Variants in ZBTB16 observed in about 807,000 individuals in gnomAD.
ZBTB16 encodes the protein zinc finger and BTB domain-containing protein 16.
A neutral mutation model predicts 56.8 loss-of-function variants in ZBTB16; 8 were observed. The observed-to-expected ratio is 0.14, with a 90% CI of 0.08 to 0.25. ZBTB16 has a LOEUF of 0.25. Ranked by LOEUF, ZBTB16 falls within the 10% of genes least tolerant of loss-of-function variation. ZBTB16 has a pLI of 1.00. For missense variants in ZBTB16, 625 were observed against 903.0 expected, an observed-to-expected ratio of 0.69 and a Z score of 3.95; for synonymous variants, 363 against 368.5, an observed-to-expected ratio of 0.98 and a Z score of 0.17.
At chr11:114,128,680 G>A (rs1415313596) in intron 2 of ZBTB16, among the ~76,000 whole-genome samples, 1 of 152,134 alleles carries the variant, frequency 6.6e-6, no homozygotes, top group Non-Finnish European at 1.5e-5. Context: ...TTGTAATCTT[G>A]TAAAGTGAAG....
intron 3 of ZBTB16, among the ~76,000 whole-genome samples, chr11:114,164,023 C>T (rs868281195): frequency 5.9e-5 from 9 of 152,118 alleles, no homozygotes; most frequent in Admixed American, 2.0e-4. Flanking sequence ...TTCTGTTCAG[C>T]GCTGTATCTT....
At chr11:114,206,993 C>T (rs1301308002) in intron 4 of ZBTB16, among the ~76,000 whole-genome samples, 2 of 152,156 alleles carry the variant, frequency 1.3e-5, no homozygotes, top group Non-Finnish European at 2.9e-5. Flanking sequence ...ACATAAGACC[C>T]CAGGATGGCG....
chr11:114,101,524 A>G (rs554567020), intron 2 of ZBTB16, among the ~76,000 whole-genome samples: 1 of 152,278 alleles, frequency 6.6e-6, no homozygotes, highest in South Asian at 2.1e-4. Flanking sequence ...TGAAGAGAGG[A>G]ACATGGTGTG....
intron 4 of ZBTB16, among the ~76,000 whole-genome samples, chr11:114,214,771 T>G (rs1257411249): frequency 1.3e-5 from 2 of 152,210 alleles, no homozygotes; most frequent in African/African-American, 4.8e-5. Flanking sequence ...ATCCGGCTAA[T>G]TTTTATATTT....
chr11:114,077,886 G>A (rs1387592670), intron 2 of ZBTB16, among the ~76,000 whole-genome samples: 1 of 152,244 alleles, frequency 6.6e-6, no homozygotes, highest in African/African-American at 2.4e-5. Context: ...ATAAGAGGTT[G>A]CTGTTTATCT....
chr11:114,097,594 A>C (rs1402137835), intron 2 of ZBTB16, among the ~76,000 whole-genome samples: 1 of 152,200 alleles, frequency 6.6e-6, no homozygotes, highest in Non-Finnish European at 1.5e-5. Context: ...TTTAAAAAAA[A>C]CACACATCGC....
intron 2 of ZBTB16, among the ~76,000 whole-genome samples, chr11:114,080,007 G>C (rs571687264): frequency 4.9e-4 from 74 of 152,260 alleles, no homozygotes; most frequent in South Asian, 1.2e-3. Context: ...GAACAGAAAA[G>C]AAAACAAAAC....
At chr11:114,069,678 T>A (rs992881626) in intron 2 of ZBTB16, among the ~76,000 whole-genome samples, 3 of 152,228 alleles carry the variant, frequency 2.0e-5, no homozygotes, top group African/African-American at 7.2e-5. Context: ...TCTTTCATCA[T>A]CCCGTCCAGA....
rs55732116 is a variant in ZBTB16 at position 114,249,771 on chromosome 11, C to CAAAAAAAAAAAAAA, written c.1793-550_1793-537dup. 2.0e-3 allele frequency among the ~76,000 whole-genome samples: 121 copies of CAAAAAAAAAAAAAA among 59,278 alleles called. 6 individuals are homozygous for CAAAAAAAAAAAAAA. Among genetic ancestry groups the CAAAAAAAAAAAAAA allele is most frequent in the East Asian group, 0.01 (16 of 1,552 alleles). 38.9% of individuals were successfully genotyped at this position (59,278 alleles called of 152,430 possible). ...TGGGCGACACAGCGAGACTCCGTCT[C>CAAAAAAAAAAAAAA]AAAAAAAAAAAAAAAAAAGAGAGCT... On this transcript the variant is annotated intron_variant, in intron 6 of 6. Coordinates refer to ENST00000335953, the MANE Select transcript of ZBTB16 (RefSeq NM_006006.6).
chr11:114,110,377 T>C (rs946438169), intron 2 of ZBTB16, among the ~76,000 whole-genome samples: 1 of 152,178 alleles, frequency 6.6e-6, no homozygotes, highest in Non-Finnish European at 1.5e-5. Flanking sequence ...AGTTTTCTTT[T>C]TCGTAGGGGA....
chr11:114,209,138 C>T (rs476529), intron 4 of ZBTB16, among the ~76,000 whole-genome samples: 132,842 of 152,126 alleles, frequency 0.87, 58,991 homozygotes, highest in East Asian at 0.95. Flanking sequence ...GGTCTTTTTG[C>T]GACTTGCATC....
chr11:114,064,060 C>G lies in ZBTB16; in HGVS notation c.760C>G (p.Gln254Glu). 2 of 1,613,574 alleles carry G rather than the reference C, an allele frequency of 1.2e-6. No homozygotes were observed. The highest frequency in any genetic ancestry group is 3.3e-5 in the Admixed American group (2 of 59,990). Residue 254 changes from glutamine to glutamate, a missense_variant, in exon 2 of 7, where the codon CAG (glutamine) becomes GAG (glutamate). Physicochemically the swap from Gln to Glu is conservative, Grantham distance 29. Coordinates refer to ENST00000335953, the MANE Select transcript of ZBTB16 (RefSeq NM_006006.6). This position sits in a 1 kb window ranked among gnomAD's most constrained non-coding sequence, Gnocchi z 4.2. ...EMMQVDEVPS[Q>E]DSPGAAESSI... ...GATGCAGGTGGATGAGGTGCCCAGC[C>G]AGGACAGCCCTGGGGCAGCCGAGTC... is the stretch of plus-strand genomic sequence containing the variant.
At chr11:114,201,724 T>A (rs1943740990) in intron 4 of ZBTB16, among the ~76,000 whole-genome samples, 1 of 152,206 alleles carries the variant, frequency 6.6e-6, no homozygotes. Context: ...TATAAAATAC[T>A]AAAGCCACCC....
chr11:114,158,553 A>G (rs923876130), intron 3 of ZBTB16, among the ~76,000 whole-genome samples: 1 of 152,076 alleles, frequency 6.6e-6, no homozygotes, highest in African/African-American at 2.4e-5. Flanking sequence ...CTTTGGGTGC[A>G]GTTTTTCTTC....
intron 4 of ZBTB16, among the ~76,000 whole-genome samples, chr11:114,211,153 C>T (rs973495324): frequency 3.9e-5 from 6 of 152,208 alleles, no homozygotes; most frequent in African/African-American, 1.4e-4. Context: ...AACTCCTGAC[C>T]TCAGTTCATC....
At chr11:114,100,595 C>G (rs755755711) in intron 2 of ZBTB16, among the ~76,000 whole-genome samples, 4 of 152,150 alleles carry the variant, frequency 2.6e-5, no homozygotes, top group Admixed American at 6.5e-5. Context: ...GTATTTTATC[C>G]TCCCTCTCGG....
At chr11:114,155,617 G>A (rs143448626) in intron 2 of ZBTB16, among the ~76,000 whole-genome samples, 1 of 152,214 alleles carries the variant, frequency 6.6e-6, no homozygotes, top group East Asian at 1.9e-4. Context: ...ATGAAGAGCT[G>A]CAGATGACTA....
intron 2 of ZBTB16, among the ~76,000 whole-genome samples, chr11:114,066,212 G>A (rs1466646201): frequency 3.3e-5 from 5 of 152,180 alleles, no homozygotes. Flanking sequence ...TCTGGAAGTT[G>A]ATCTCATCAC....
intron 3 of ZBTB16, among the ~76,000 whole-genome samples, chr11:114,165,890 A>G (rs756495347): frequency 6.6e-6 from 1 of 152,158 alleles, no homozygotes; most frequent in African/African-American, 2.4e-5. Flanking sequence ...TTTATGTTCC[A>G]TAGAGGTCAA....
Sources: allele counts gnomAD v4.1 joint callset (sites outside exome capture counted in the v4.1 genomes callset), GRCh38; gene constraint gnomAD v4.1.1; non-coding constraint Gnocchi (gnomAD v3.1); transcripts MANE v1.5; gene names NCBI Gene and HGNC (gene_info 2026-07-23, HGNC 2026-07-21).